The following DENND1A variants were observed in gnomAD, a reference collection of about 807,000 sequenced individuals.
The protein encoded by DENND1A is DENN domain-containing protein 1A.
A neutral mutation model predicts 113.7 loss-of-function variants in DENND1A; 51 were observed. The ratio of observed to expected loss-of-function variants is 0.45; its 90% CI spans 0.36 to 0.57. The LOEUF (loss-of-function observed/expected upper bound fraction) is 0.57. DENND1A is among the 20% of genes least tolerant of loss of function. DENND1A has a pLI of 0.00. For synonymous variants in DENND1A, 565 were observed against 570.8 expected, an observed-to-expected ratio of 0.99 and a Z score of 0.14; for missense variants, 1,258 against 1,395.9, an observed-to-expected ratio of 0.90 and a Z score of 1.57.
intron 2 of DENND1A, among the ~76,000 whole-genome samples, chr9:123,851,759 C>T (rs1416673794): frequency 3.3e-5 from 5 of 152,084 alleles, no homozygotes; most frequent in East Asian, 1.9e-4. Context: ...GAGGCTCCTA[C>T]GGGGAGAAAC....
intron 19 of DENND1A, among the ~76,000 whole-genome samples, chr9:123,432,823 T>C (rs1325473244): frequency 6.6e-6 from 1 of 152,208 alleles, no homozygotes; most frequent in Non-Finnish European, 1.5e-5. Flanking sequence ...TTGGGCAGCA[T>C]TATCCACTCT....
At chr9:123,926,264 T>G (rs1196268034) in intron 1 of DENND1A, among the ~76,000 whole-genome samples, 1 of 152,196 alleles carries the variant, frequency 6.6e-6, no homozygotes, top group Admixed American at 6.5e-5. Flanking sequence ...AATGTTCCTT[T>G]ATTAAAATAA....
At chr9:123,805,725 C>T (rs1379547337) in intron 2 of DENND1A, among the ~76,000 whole-genome samples, 2 of 152,180 alleles carry the variant, frequency 1.3e-5, no homozygotes, top group East Asian at 1.9e-4. Context: ...GGAGCCACTG[C>T]ACCATCCTAT....
intron 2 of DENND1A, among the ~76,000 whole-genome samples, chr9:123,854,031 TCACACTGTA>T (rs953699246): frequency 6.6e-5 from 10 of 152,200 alleles, no homozygotes; most frequent in Non-Finnish European, 7.3e-5. Context: ...AGAAAGTCAA[TCACACTGTA>T]CACATAATTT....
chr9:123,528,070 G>T (rs999454282), intron 13 of DENND1A, among the ~76,000 whole-genome samples: 3 of 152,140 alleles, frequency 2.0e-5, no homozygotes, highest in African/African-American at 7.2e-5. Flanking sequence ...TATTCAAAGA[G>T]AACATTTTGG....
chr9:123,386,271 G>A (rs928417704), intron 22 of DENND1A, among the ~76,000 whole-genome samples: 2 of 151,948 alleles, frequency 1.3e-5, no homozygotes, highest in African/African-American at 4.8e-5. Context: ...TTAGGAGAAG[G>A]CTAATTTTAA....
chr9:123,856,149 G>A (rs892573901), intron 2 of DENND1A, among the ~76,000 whole-genome samples: 1 of 152,120 alleles, frequency 6.6e-6, no homozygotes, highest in Non-Finnish European at 1.5e-5. Context: ...CATAGGAAAA[G>A]ATCAAGAAAT....
At chr9:123,514,537 G>A (rs2053736955) in intron 13 of DENND1A, among the ~76,000 whole-genome samples, 1 of 152,166 alleles carries the variant, frequency 6.6e-6, no homozygotes. Context: ...GGGTGGGGAT[G>A]GAGGCAGGGG....
chr9:123,735,880 TC>T (rs2068525366), intron 5 of DENND1A, among the ~76,000 whole-genome samples: 1 of 152,104 alleles, frequency 6.6e-6, no homozygotes, highest in Non-Finnish European at 1.5e-5. Flanking sequence ...ACACCTGTAG[TC>T]CCAGCTACTC....
chr9:123,735,858 G>A (rs572049935), intron 5 of DENND1A, among the ~76,000 whole-genome samples: 19 of 152,210 alleles, frequency 1.2e-4, no homozygotes, highest in Admixed American at 4.6e-4. Flanking sequence ...AATTAGCCGG[G>A]CATGATGGTG....
At chr9:123,499,028 A>T (rs765747916) in intron 13 of DENND1A, among the ~76,000 whole-genome samples, 9 of 148,516 alleles carry the variant, frequency 6.1e-5, no homozygotes, top group East Asian at 2.0e-4. Context: ...CCGCCTTTTT[A>T]AAAAAATCTT....
chr9:123,612,282 C>G (rs2060453752), intron 10 of DENND1A, among the ~76,000 whole-genome samples: 1 of 152,130 alleles, frequency 6.6e-6, no homozygotes, highest in African/African-American at 2.4e-5. Flanking sequence ...GGTACTTATC[C>G]AATTGGGTAA....
intron 2 of DENND1A, among the ~76,000 whole-genome samples, chr9:123,863,921 A>AT (rs11307194): frequency 7.7e-4 from 115 of 149,802 alleles, no homozygotes; most frequent in East Asian, 3.9e-3. Context: ...AATATATGAG[A>AT]TTTTTTTTTT....
At chr9:123,419,876 C>T (rs944409699) in intron 19 of DENND1A, among the ~76,000 whole-genome samples, 8 of 152,256 alleles carry the variant, frequency 5.3e-5, no homozygotes, top group South Asian at 2.1e-4. Flanking sequence ...GTGCTGCTTG[C>T]GGGGGAGGAT....
chr9:123,675,981 T>G (rs1307171914), intron 6 of DENND1A, among the ~76,000 whole-genome samples: 1 of 152,218 alleles, frequency 6.6e-6, no homozygotes, highest in Non-Finnish European at 1.5e-5. Context: ...ATTAACAATT[T>G]CCAATAATAG....
intron 6 of DENND1A, among the ~76,000 whole-genome samples, chr9:123,672,524 G>T (rs2063815618): frequency 6.6e-6 from 1 of 152,146 alleles, no homozygotes; most frequent in Non-Finnish European, 1.5e-5. Flanking sequence ...ATTAATTATT[G>T]CTGTGGTTTA....
rs114534123 is a variant in DENND1A at position 123,443,082 on chromosome 9, T to C, written c.1357-2591A>G. ...AATGATCACAAGGTAAATGGGATTA[T>C]CCTGCTTTTATAGGTGAGGAAATAG... On this transcript the variant is annotated intron_variant, in intron 18 of 23. Transcript: ENST00000394215. Among the ~76,000 whole-genome samples the C allele has an allele frequency of 7.8e-3, 1,187 of 152,318 alleles. 8 individuals carry two copies. Among genetic ancestry groups the C allele is most frequent in the African/African-American group, 0.027 (1,136 of 41,548 alleles).
chr9:123,827,087 A>G (rs1839441477), intron 2 of DENND1A, among the ~76,000 whole-genome samples: 1 of 152,182 alleles, frequency 6.6e-6, no homozygotes, highest in Admixed American at 6.5e-5. Context: ...TTTCCATTGA[A>G]AAAGAACTCA....
intron 9 of DENND1A, among the ~76,000 whole-genome samples, chr9:123,639,039 T>TAAAAAAAAAAAAAAAAAAAAAAAAAA (rs750972974): frequency 5.3e-4 from 17 of 32,104 alleles, no homozygotes; most frequent in Admixed American, 9.9e-4. Flanking sequence ...GCATGAGTAG[T>TAAAAAAAAAAAAAAAAAAAAAAAAAA]AAAAAAAAAA....
Sources: gnomAD v4.1 joint callset for allele counts (sites outside exome capture counted in the v4.1 genomes callset) on GRCh38, gnomAD v4.1.1 for gene constraint, MANE v1.5 for transcripts, NCBI Gene and HGNC (gene_info 2026-07-23, HGNC 2026-07-21) for gene names.